The following MIR17HG variants were observed in gnomAD, a reference collection of about 807,000 sequenced individuals.
The protein encoded by MIR17HG is miR-17-92a-1 cluster host gene, also known as MIR17 host gene (non-protein coding).
chr13:91,351,334 C>T (rs72631821), intron 3 of MIR17HG: 72 of 531,502 alleles, frequency 1.4e-4, no homozygotes, highest in African/African-American at 1.0e-3. Context: ...AGGTTGGGAT[C>T]GGTTGCAATG....
intron 1 of MIR17HG, among the ~76,000 whole-genome samples, chr13:91,348,889 C>G (rs1186091053): frequency 6.7e-6 from 1 of 148,630 alleles, no homozygotes; most frequent in South Asian, 2.1e-4. Context: ...ACGGGCACCG[C>G]GGCCGCGGAG....
chr13:91,348,513 G>C (rs924181764), intron 1 of MIR17HG, among the ~76,000 whole-genome samples: 2 of 151,384 alleles, frequency 1.3e-5, no homozygotes, highest in Non-Finnish European at 3.0e-5. Context: ...GCGGGAGCCC[G>C]CGGTTCCCCA....
chr13:91,352,676 G>A (rs1875378141), intron 3 of MIR17HG, among the ~76,000 whole-genome samples: 1 of 152,192 alleles, frequency 6.6e-6, no homozygotes, highest in South Asian at 2.1e-4. Flanking sequence ...TAAATTTTCA[G>A]GATGTGAAAT....
At chr13:91,354,318 T>C (rs1302248339) in exon 4 of MIR17HG, 1 of 152,190 alleles carries the variant, frequency 6.6e-6, no homozygotes, top group African/African-American at 2.4e-5. Context: ...ATATGTGGTA[T>C]TAGTTTTAAA....
rs544724936 is a variant in MIR17HG at position 91,348,877 on chromosome 13, C to T, written n.141-821C>T. 4.6e-3 allele frequency among the ~76,000 whole-genome samples: 680 copies of T among 148,658 alleles called. 3 individuals are homozygous for T. The highest frequency in any genetic ancestry group is 0.017 in the Middle Eastern group (5 of 292). On this transcript the variant is annotated intron_variant and non_coding_transcript_variant, in intron 1 of 3. Transcript: ENST00000400282. Reference sequence around the variant, plus strand: ...CCCGGCTTAGGCCTCGGGCCGCGTGCGACGGGCACCGCGGCCGCGGAGCCC... The same window carrying T: ...CCCGGCTTAGGCCTCGGGCCGCGTGTGACGGGCACCGCGGCCGCGGAGCCC...
At chr13:91,349,410 A>G (rs1229880706) in intron 1 of MIR17HG, among the ~76,000 whole-genome samples, 2 of 151,906 alleles carry the variant, frequency 1.3e-5, no homozygotes, top group African/African-American at 4.8e-5. Context: ...CTGGAGCTGT[A>G]CAGTGGAGTC....
chr13:91,349,558 G>T (rs1387079306), intron 1 of MIR17HG: 1 of 152,012 alleles, frequency 6.6e-6, no homozygotes, highest in Non-Finnish European at 1.5e-5. Flanking sequence ...TGCTAGTATT[G>T]CTCGACTCTT....
chr13:91,353,844 A>C (rs1439044727), intron 3 of MIR17HG: 1 of 152,474 alleles, frequency 6.6e-6, no homozygotes, highest in Non-Finnish European at 1.5e-5. Context: ...TTTGGAAAGA[A>C]AGCACTTAAC....
At chr13:91,348,589 C>T (rs1030128535) in intron 1 of MIR17HG, among the ~76,000 whole-genome samples, 10 of 151,110 alleles carry the variant, frequency 6.6e-5, no homozygotes, top group Non-Finnish European at 1.3e-4. Context: ...GCCACCCCCG[C>T]TCCGCGTGGG....
intron 2 of MIR17HG, chr13:91,350,073 C>T (rs1175347986): frequency 6.4e-6 from 1 of 155,334 alleles, no homozygotes; most frequent in African/African-American, 2.4e-5. Context: ...TAGATTTAAA[C>T]AGGATATTTA....
intron 3 of MIR17HG, chr13:91,352,443 T>C (rs981180754): frequency 6.6e-6 from 1 of 152,174 alleles, no homozygotes; most frequent in Non-Finnish European, 1.5e-5. Context: ...AGAAATGTCA[T>C]TGTATTTTGG....
Position 91,350,566 on chromosome 13 carries a change from AAAG to A in MIR17HG, n.284+342_284+344del, listed in dbSNP as rs769767106. The A allele has an allele frequency of 3.0e-5, 16 of 533,208 alleles. No homozygotes were observed. The highest frequency in any genetic ancestry group is 2.9e-4 in the Admixed American group (15 of 51,576). 33.0% of individuals were successfully genotyped at this position (533,208 alleles called of 1,614,324 possible). On this transcript the variant is annotated intron_variant and non_coding_transcript_variant, in intron 3 of 3. Coordinates refer to ENST00000400282, the Ensembl canonical transcript of MIR17HG. ...TATCTATTTCAAATTTAGCAGGAAAAAAGAGAACATCACCTTGTAAAACTGAAG... is the reference window on the plus strand; with the variant it reads ...TATCTATTTCAAATTTAGCAGGAAAAAGAACATCACCTTGTAAAACTGAAG...
At chr13:91,352,427 G>C (rs1425528068) in intron 3 of MIR17HG, 1 of 152,154 alleles carries the variant, frequency 6.6e-6, no homozygotes, top group Non-Finnish European at 1.5e-5. Flanking sequence ...TGAAAGATAA[G>C]TTTTGAGAAA....
At chr13:91,348,323 C>T (rs1162101659) in intron 1 of MIR17HG, among the ~76,000 whole-genome samples, 8 of 149,876 alleles carry the variant, frequency 5.3e-5, no homozygotes, top group Non-Finnish European at 1.0e-4. Flanking sequence ...CCCGTGCCTT[C>T]TCCGGGGCCC....
chr13:91,349,929 T>A (rs1165635929), intron 2 of MIR17HG: 2 of 152,268 alleles, frequency 1.3e-5, no homozygotes, highest in African/African-American at 4.8e-5. Context: ...AGTACGGATT[T>A]GCTAATTTTA....
intron 3 of MIR17HG, chr13:91,351,580 C>G: frequency 1.2e-5 from 4 of 322,488 alleles, no homozygotes; most frequent in South Asian, 1.0e-4. Context: ...AGTATAAATT[C>G]TGGCTATATT....
chr13:91,353,804 G>A (rs1234505874), intron 3 of MIR17HG: 1 of 146,200 alleles, frequency 6.8e-6, no homozygotes, highest in Non-Finnish European at 1.5e-5. Flanking sequence ...TTTGGCGTTT[G>A]CATGTACAAC....
At chr13:91,350,509 T>C (rs1469308011) in intron 3 of MIR17HG, 2 of 519,744 alleles carry the variant, frequency 3.8e-6, no homozygotes, top group African/African-American at 3.9e-5. Flanking sequence ...GTATGGTTTA[T>C]AGTTGTTAGA....
exon 4 of MIR17HG, chr13:91,354,010 G>A (rs1260142826): frequency 6.6e-6 from 1 of 152,652 alleles, no homozygotes; most frequent in Non-Finnish European, 1.5e-5. Flanking sequence ...ACAAAATGCA[G>A]CCTGCAACTT....
Sources: gnomAD v4.1 joint callset for allele counts (sites outside exome capture counted in the v4.1 genomes callset) on GRCh38, gnomAD v4.1.1 for gene constraint, MANE v1.5 for transcripts, NCBI Gene and HGNC (gene_info 2026-07-23, HGNC 2026-07-21) for gene names.